The following TNNI3K variants were observed in gnomAD, a reference collection of about 807,000 sequenced individuals.
TNNI3K encodes the protein TNNI3 interacting kinase.
Under a neutral mutation model 114.5 loss-of-function variants are expected in TNNI3K, and 140 were observed. The ratio of observed to expected loss-of-function variants is 1.22; its 90% CI spans 1.07 to 1.41. The LOEUF is 1.41. Among genes scored for constraint, TNNI3K ranks in the 40% most tolerant of loss-of-function variants. The pLI, the probability that TNNI3K is intolerant of heterozygous loss-of-function variation, is 0.00. For synonymous variants in TNNI3K, 347 were observed against 347.5 expected (o/e 1.00, Z 0.02); for missense variants, 1,125 against 1,007.6 (o/e 1.12, Z -1.58).
At chr1:74,356,591 G>C (rs991156657) in intron 11 of TNNI3K, among the ~76,000 whole-genome samples, 8 of 152,264 alleles carry the variant, frequency 5.3e-5, no homozygotes, top group Non-Finnish European at 1.0e-4. Flanking sequence ...CAAAGCATTA[G>C]TCTTCCGGAA....
intron 17 of TNNI3K, among the ~76,000 whole-genome samples, chr1:74,410,959 CA>C (rs1198137966): frequency 1.3e-5 from 2 of 152,140 alleles, no homozygotes; most frequent in African/African-American, 4.8e-5. Flanking sequence ...TTCTCTTTAA[CA>C]AAGGGTGGAT....
intron 9 of TNNI3K, among the ~76,000 whole-genome samples, chr1:74,344,315 T>A (rs1660891053): frequency 6.6e-6 from 1 of 152,200 alleles, no homozygotes; most frequent in Non-Finnish European, 1.5e-5. Flanking sequence ...TGAAGTTGGA[T>A]TTATTATCTC....
chr1:74,250,665 C>T lies in TNNI3K; in HGVS notation c.236-7C>T, dbSNP rs1210140827. On this transcript the variant is annotated splice_region_variant and splice_polypyrimidine_tract_variant and intron_variant, in intron 3 of 24. Transcript: ENST00000326637. ...TGATTTAGCCTTTTTTCATTTTTCT[C>T]TTTAAGGCAAGAAATCACATATTCG... 2.5e-6 allele frequency: 4 copies of T among 1,605,830 alleles called. No homozygotes were observed. Among genetic ancestry groups the T allele is most frequent in the African/African-American group, 2.7e-5 (2 of 74,500 alleles).
chr1:74,499,108 G>A (rs766888195), intron 23 of TNNI3K, among the ~76,000 whole-genome samples: 19 of 152,140 alleles, frequency 1.2e-4, no homozygotes, highest in African/African-American at 2.7e-4. Flanking sequence ...ATGCAGGTGC[G>A]TGCACACTGG....
intron 5 of TNNI3K, among the ~76,000 whole-genome samples, chr1:74,278,327 T>C (rs1409400514): frequency 1.3e-5 from 2 of 152,314 alleles, no homozygotes; most frequent in East Asian, 3.9e-4. Flanking sequence ...ATTAATTGAC[T>C]TGATCCTCAG....
chr1:74,339,868 A>C (rs1258674868), intron 7 of TNNI3K, among the ~76,000 whole-genome samples: 3 of 152,120 alleles, frequency 2.0e-5, no homozygotes, highest in Admixed American at 6.6e-5. Flanking sequence ...AAATTGAAAA[A>C]ATTAAATTTA....
chr1:74,425,331 A>G (rs1296165989), intron 17 of TNNI3K, among the ~76,000 whole-genome samples: 1 of 152,144 alleles, frequency 6.6e-6, no homozygotes, highest in African/African-American at 2.4e-5. Context: ...TAAATGTTGA[A>G]TATATAGAAA....
intron 17 of TNNI3K, among the ~76,000 whole-genome samples, chr1:74,419,452 T>A (rs1665288311): frequency 6.6e-6 from 1 of 152,150 alleles, no homozygotes; most frequent in East Asian, 1.9e-4. Context: ...TTCAACTTAC[T>A]ACACTATCCA....
At chr1:74,536,540 T>C (rs1328817501) in intron 23 of TNNI3K, among the ~76,000 whole-genome samples, 1 of 152,170 alleles carries the variant, frequency 6.6e-6, no homozygotes, top group African/African-American at 2.4e-5. Flanking sequence ...TATTTATGTA[T>C]ACATCATGGA....
intron 20 of TNNI3K, among the ~76,000 whole-genome samples, chr1:74,441,703 A>G (rs1442739401): frequency 6.6e-6 from 1 of 152,140 alleles, no homozygotes; most frequent in Admixed American, 6.6e-5. Flanking sequence ...GTGGGGGTAC[A>G]TGGAACATCA....
At chr1:74,285,883 T>A (rs1657301451) in intron 5 of TNNI3K, among the ~76,000 whole-genome samples, 1 of 152,158 alleles carries the variant, frequency 6.6e-6, no homozygotes, top group East Asian at 1.9e-4. Context: ...TCTTAATACC[T>A]ATAAAAAGTA....
chr1:74,314,746 G>A (rs1659211229), intron 5 of TNNI3K, among the ~76,000 whole-genome samples: 1 of 152,094 alleles, frequency 6.6e-6, no homozygotes, highest in Non-Finnish European at 1.5e-5. Flanking sequence ...AAATATATAT[G>A]TAATTGTCTT....
chr1:74,489,546 T>C (rs953994999), intron 22 of TNNI3K, among the ~76,000 whole-genome samples: 1 of 152,210 alleles, frequency 6.6e-6, no homozygotes, highest in Non-Finnish European at 1.5e-5. Flanking sequence ...ACAAATACAT[T>C]AGAAGGTAAT....
chr1:74,315,706 G>A (rs543772063), intron 5 of TNNI3K, among the ~76,000 whole-genome samples: 2 of 152,022 alleles, frequency 1.3e-5, no homozygotes, highest in African/African-American at 2.4e-5. Flanking sequence ...ATCTATCATC[G>A]ATTCTCCTTT....
intron 7 of TNNI3K, among the ~76,000 whole-genome samples, chr1:74,337,066 A>C (rs1055942757): frequency 6.6e-6 from 1 of 150,470 alleles, no homozygotes; most frequent in African/African-American, 2.4e-5. Flanking sequence ...ATGGTATCTC[A>C]TTGTGGTTTT....
At chr1:74,531,838 T>A (rs1017422137) in intron 23 of TNNI3K, among the ~76,000 whole-genome samples, 28 of 152,232 alleles carry the variant, frequency 1.8e-4, no homozygotes, top group African/African-American at 6.8e-4. Context: ...CTTGTGCTAA[T>A]ATTATCACAT....
At chr1:74,331,654 A>AT in intron 6 of TNNI3K, 106 bp downstream of exon 6, 2 of 1,050,726 alleles carry the variant, frequency 1.9e-6, no homozygotes, top group East Asian at 5.6e-5. Context: ...TATTTGAATT[A>AT]TTTTTGCCAT....
At chr1:74,374,634 CT>C (rs1299147334) in intron 17 of TNNI3K, 1 of 151,958 alleles carries the variant, frequency 6.6e-6, no homozygotes, top group Non-Finnish European at 1.5e-5. Flanking sequence ...TGTGTTCCTG[CT>C]TTATTTCTTC....
chr1:74,322,461 C>CT lies in TNNI3K; in HGVS notation c.445-8972dup, dbSNP rs113272069. Among the ~76,000 whole-genome samples, 1,274 of 138,896 alleles carry CT rather than the reference C, an allele frequency of 9.2e-3. 11 individuals carry two copies. Among genetic ancestry groups the CT allele is most frequent in the Middle Eastern group, 0.03 (8 of 270 alleles). 91.1% of individuals were successfully genotyped at this position (138,896 alleles called of 152,430 possible). A position where few individuals can be genotyped will look rare whatever the true frequency, so the allele number is the denominator to read the frequency against. On this transcript the variant is annotated intron_variant, in intron 5 of 24. Coordinates refer to ENST00000326637, the MANE Select transcript of TNNI3K (RefSeq NM_015978.3). ...ATGTTGTCATTCTGACTAATTCTAC[C>CT]TTTTTTTTTTTTTTTTTGTCATGGA...
Sources: allele counts gnomAD v4.1 joint callset (sites outside exome capture counted in the v4.1 genomes callset), GRCh38; gene constraint gnomAD v4.1.1; transcripts MANE v1.5; gene names NCBI Gene and HGNC (gene_info 2026-07-23, HGNC 2026-07-21).